Variants in RBFOX1 observed in about 807,000 individuals in gnomAD.
RBFOX1 encodes the protein RNA binding protein fox-1 homolog 1.
RBFOX1 carries 8 observed loss-of-function variants against 57.7 expected under a neutral mutation model. The ratio of observed to expected loss-of-function variants is 0.14; its 90% CI spans 0.08 to 0.25. The LOEUF is 0.25. Ranked by LOEUF, RBFOX1 falls within the 10% of genes least tolerant of loss-of-function variation. RBFOX1 has a pLI of 1.00. For synonymous variants in RBFOX1, 326 were observed against 222.4 expected (o/e 1.47, Z -4.15); for missense variants, 611 against 548.5 (o/e 1.11, Z -1.14).
At chr16:7,332,132 T>C (rs1333346281) in intron 4 of RBFOX1, among the ~76,000 whole-genome samples, 1 of 152,160 alleles carries the variant, frequency 6.6e-6, no homozygotes, top group East Asian at 1.9e-4. Context: ...GAAAACAGTG[T>C]TGTGGTTAGG....
chr16:7,627,597 T>A (rs1045190184), intron 10 of RBFOX1, among the ~76,000 whole-genome samples: 1 of 152,186 alleles, frequency 6.6e-6, no homozygotes, highest in Non-Finnish European at 1.5e-5. Flanking sequence ...TGAAGCTATA[T>A]TGAGAAGTGC....
chr16:7,558,247 G>A (rs1013479138), intron 5 of RBFOX1, among the ~76,000 whole-genome samples: 1 of 152,050 alleles, frequency 6.6e-6, no homozygotes, highest in Admixed American at 6.6e-5. Context: ...CTAGGTACTC[G>A]AGAGGCTGAG....
intron 3 of RBFOX1, among the ~76,000 whole-genome samples, chr16:6,747,406 C>G (rs977379139): frequency 7.3e-6 from 1 of 137,684 alleles, no homozygotes; most frequent in Non-Finnish European, 1.6e-5. Context: ...GACTCAGTCT[C>G]AAAAAGAAAA....
At chr16:6,227,594 T>TTCC (rs58221002) in intron 1 of RBFOX1, among the ~76,000 whole-genome samples, 6,262 of 152,186 alleles carry the variant, frequency 0.041, 422 homozygotes, top group African/African-American at 0.14. Context: ...CCTTTCAGGC[T>TTCC]TCCTCTTGCC....
intron 4 of RBFOX1, among the ~76,000 whole-genome samples, chr16:7,331,240 G>C (rs2096689588): frequency 6.6e-6 from 1 of 152,190 alleles, no homozygotes; most frequent in East Asian, 1.9e-4. Flanking sequence ...AACGCCAATA[G>C]TTGGATATGT....
intron 3 of RBFOX1, among the ~76,000 whole-genome samples, chr16:6,941,153 C>G (rs1249135730): frequency 1.3e-5 from 2 of 151,824 alleles, no homozygotes; most frequent in Non-Finnish European, 2.9e-5. Context: ...GGCAAGAATC[C>G]TCAGGAAATC....
chr16:5,439,515 A>G (rs1009788647), intron 1 of RBFOX1, among the ~76,000 whole-genome samples: 1 of 152,148 alleles, frequency 6.6e-6, no homozygotes, highest in African/African-American at 2.4e-5. Context: ...GAACAAATGC[A>G]TGATAGGTAT....
intron 11 of RBFOX1, among the ~76,000 whole-genome samples, chr16:7,646,730 C>T (rs1317985938): frequency 6.6e-6 from 1 of 152,258 alleles, no homozygotes; most frequent in African/African-American, 2.4e-5. Context: ...ACTCTTCCAT[C>T]TCCCCCAGAG....
intron 2 of RBFOX1, among the ~76,000 whole-genome samples, chr16:6,390,260 G>T (rs1302276293): frequency 6.6e-6 from 1 of 152,130 alleles, no homozygotes; most frequent in African/African-American, 2.4e-5. Context: ...TCTTAGAGGT[G>T]CCATTCTGAT....
At chr16:7,404,026 TCC>T (rs2098290761) in intron 4 of RBFOX1, among the ~76,000 whole-genome samples, 1 of 146,312 alleles carries the variant, frequency 6.8e-6, no homozygotes, top group Non-Finnish European at 1.5e-5. Context: ...TGATTTCATT[TCC>T]TTTTATTTTA....
chr16:7,343,030 T>G (rs1205652267), intron 4 of RBFOX1, among the ~76,000 whole-genome samples: 3 of 151,602 alleles, frequency 2.0e-5, no homozygotes, highest in African/African-American at 7.3e-5. Flanking sequence ...ACGGGGAGGG[T>G]GGACTTTGTA....
intron 3 of RBFOX1, among the ~76,000 whole-genome samples, chr16:5,718,527 A>G (rs941575353): frequency 3.9e-5 from 6 of 152,260 alleles, no homozygotes; most frequent in African/African-American, 9.6e-5. Context: ...AAGGCTTGGA[A>G]GAGAGAAAAT....
chr16:7,259,038 A>G (rs1017550153), intron 4 of RBFOX1, among the ~76,000 whole-genome samples: 1 of 152,116 alleles, frequency 6.6e-6, no homozygotes, highest in Non-Finnish European at 1.5e-5. Flanking sequence ...GATCACGTCT[A>G]CCTTTGAGAA....
At chr16:5,712,321 A>G (rs2051520401) in intron 3 of RBFOX1, among the ~76,000 whole-genome samples, 1 of 152,192 alleles carries the variant, frequency 6.6e-6, no homozygotes, top group Non-Finnish European at 1.5e-5. Flanking sequence ...TTTCACAACC[A>G]CCTTCTAGGA....
chr16:6,044,261 G>A (rs1027125755), intron 1 of RBFOX1, among the ~76,000 whole-genome samples: 46 of 152,262 alleles, frequency 3.0e-4, no homozygotes, highest in African/African-American at 1.1e-3. Context: ...TGTGAACCCC[G>A]AATCCTAAGG....
intron 13 of RBFOX1, among the ~76,000 whole-genome samples, chr16:7,669,673 C>G (rs1025639120): frequency 1.7e-4 from 26 of 152,190 alleles, no homozygotes; most frequent in Admixed American, 1.5e-3. Context: ...TCCTGTCACT[C>G]TGCCACCCAT....
chr16:7,341,425 T>C (rs1223258083), intron 4 of RBFOX1, among the ~76,000 whole-genome samples: 1 of 152,018 alleles, frequency 6.6e-6, no homozygotes, highest in Non-Finnish European at 1.5e-5. Context: ...GCTCTGGAGG[T>C]ATTGGGATGA....
chr16:7,663,106 G>A (rs894723704), intron 12 of RBFOX1, among the ~76,000 whole-genome samples: 1 of 152,202 alleles, frequency 6.6e-6, no homozygotes, highest in Non-Finnish European at 1.5e-5. Context: ...TCAGTCCTGT[G>A]GTTTGGGACC....
intron 4 of RBFOX1, among the ~76,000 whole-genome samples, chr16:7,125,622 G>T (rs1258617113): frequency 6.6e-6 from 1 of 152,042 alleles, no homozygotes; most frequent in East Asian, 1.9e-4. Context: ...TAATATAGAA[G>T]ATGGATATCG....
Sources: allele counts gnomAD v4.1 joint callset (sites outside exome capture counted in the v4.1 genomes callset), GRCh38; gene constraint gnomAD v4.1.1; transcripts MANE v1.5; gene names NCBI Gene and HGNC (gene_info 2026-07-23, HGNC 2026-07-21).